SLC9A2: variants seen among roughly 807,000 people sequenced by gnomAD.
The protein encoded by SLC9A2 is sodium/hydrogen exchanger 2.
SLC9A2 carries 42 observed loss-of-function variants against 71.7 expected under a neutral mutation model. The ratio of observed to expected loss-of-function variants is 0.59; its 90% confidence interval spans 0.46 to 0.76. SLC9A2 has a LOEUF of 0.76. SLC9A2 is among the 30% of genes least tolerant of loss of function. The pLI, the probability that SLC9A2 is intolerant of heterozygous loss-of-function variation, is 0.00. For synonymous variants in SLC9A2, 396 were observed against 392.5 expected (o/e 1.01, Z -0.10); for missense variants, 829 against 1,017.4 (o/e 0.81, Z 2.52).
At chr2:102,673,728 T>C (rs1677297167) in intron 3 of SLC9A2, among the ~76,000 whole-genome samples, 1 of 152,138 alleles carries the variant, frequency 6.6e-6, no homozygotes, top group Admixed American at 6.6e-5. Flanking sequence ...TGGTAATGTG[T>C]AGGCCAAAAT....
intron 1 of SLC9A2, among the ~76,000 whole-genome samples, chr2:102,625,411 G>A (rs988346581): frequency 6.6e-6 from 1 of 151,948 alleles, no homozygotes; most frequent in Non-Finnish European, 1.5e-5. Context: ...ATGTTGGTGT[G>A]CTGCACCCAT....
intron 1 of SLC9A2, among the ~76,000 whole-genome samples, chr2:102,623,473 C>T (rs1676183854): frequency 6.6e-6 from 1 of 152,150 alleles, no homozygotes; most frequent in African/African-American, 2.4e-5. Context: ...CCTCCTCTTG[C>T]TCCCAGGGTT....
rs1287437677 is a variant in SLC9A2 at position 102,683,269 on chromosome 2, C to T, written c.1013C>T (p.Ala338Val). Residue 338 changes from alanine to valine, a missense_variant, in exon 4 of 12, where the codon GCT becomes GTT. This residue lies in a region of SLC9A2 where 500 missense variants were observed against 726.3 expected (regional missense o/e 0.69). Coordinates refer to ENST00000233969, the MANE Select transcript of SLC9A2 (RefSeq NM_003048.6). ...TGAATCTTCCCTTTCAGAATCACTG[C>T]TTGTGCAATGACTATGAATAAGTAC... ...FHLSGIMAIT[A>V]CAMTMNKYVE... The T allele has an allele frequency of 6.2e-7, 1 of 1,610,618 alleles. No individual in the cohort carries two copies. The highest frequency in any genetic ancestry group is 8.5e-7 in the Non-Finnish European group (1 of 1,176,806).
At position 102,708,468 on chromosome 2, in the gene SLC9A2, AT is replaced by A; in HGVS notation, c.2421del (p.Phe807LeufsTer27). ...ASEPGSRKARFGSEKP is the reference protein window; with the variant it reads ...ASEPGSRKARXGSEKP ...CGGAACCTGGAAGCCGGAAAGCCCG[AT>A]TTGGGAGTGAGAAGCCTTAAGAGAA... On this transcript the variant is annotated frameshift_variant, in exon 12 of 12. Transcript: ENST00000233969. LOFTEE classifies it high-confidence loss of function. The A allele has an allele frequency of 6.2e-7, 1 of 1,614,058 alleles. No homozygotes were observed. Among genetic ancestry groups the A allele is most frequent in the Non-Finnish European group, 8.5e-7 (1 of 1,179,980 alleles).
intron 3 of SLC9A2, among the ~76,000 whole-genome samples, chr2:102,676,065 G>A (rs1384255304): frequency 6.6e-6 from 1 of 152,044 alleles, no homozygotes; most frequent in Non-Finnish European, 1.5e-5. Context: ...GCTAGTAGCT[G>A]TAAGAACTTC....
intron 1 of SLC9A2, among the ~76,000 whole-genome samples, chr2:102,623,304 G>A (rs906036199): frequency 1.3e-5 from 2 of 152,172 alleles, no homozygotes; most frequent in Non-Finnish European, 2.9e-5. Flanking sequence ...CATGGGTAGA[G>A]TGAAGGGTAT....
At chr2:102,653,807 C>T (rs751893271) in intron 1 of SLC9A2, among the ~76,000 whole-genome samples, 5 of 152,200 alleles carry the variant, frequency 3.3e-5, no homozygotes, top group Non-Finnish European at 1.5e-5. Flanking sequence ...TCCATGGATC[C>T]TATGGCTTCT....
intron 1 of SLC9A2, among the ~76,000 whole-genome samples, chr2:102,633,659 C>T (rs556284014): frequency 6.6e-5 from 10 of 152,106 alleles, no homozygotes; most frequent in Admixed American, 4.6e-4. Context: ...GGTAAGGTAG[C>T]GGAACTCAGT....
chr2:102,687,765 T>C (rs1285725095), intron 5 of SLC9A2, among the ~76,000 whole-genome samples: 1 of 151,956 alleles, frequency 6.6e-6, no homozygotes, highest in Non-Finnish European at 1.5e-5. Context: ...GTTGTCAGAA[T>C]ATGGTGCTGT....
At chr2:102,647,398 T>C (rs1676748819) in intron 1 of SLC9A2, among the ~76,000 whole-genome samples, 2 of 152,014 alleles carry the variant, frequency 1.3e-5, no homozygotes, top group Non-Finnish European at 2.9e-5. Flanking sequence ...AAGTGAGAAA[T>C]ATTTAAAATT....
intron 3 of SLC9A2, among the ~76,000 whole-genome samples, chr2:102,668,232 A>G: frequency 6.6e-6 from 1 of 152,214 alleles, no homozygotes; most frequent in East Asian, 1.9e-4. Context: ...ATGCAGGTAC[A>G]CATTCACATT....
intron 1 of SLC9A2, among the ~76,000 whole-genome samples, chr2:102,632,145 TACATATATAC>T (rs199973533): frequency 0.025 from 1,220 of 48,408 alleles, 50 homozygotes; most frequent in African/African-American, 0.072. Flanking sequence ...TATGTATATA[TACATATATAC>T]ACATATATAC....
intron 1 of SLC9A2, among the ~76,000 whole-genome samples, chr2:102,633,267 G>C (rs1676408946): frequency 6.6e-6 from 1 of 152,116 alleles, no homozygotes. Context: ...CTTGTCCAAG[G>C]TGTCAGCTAT....
chr2:102,678,928 G>A (rs1677394424), intron 3 of SLC9A2, among the ~76,000 whole-genome samples: 1 of 152,162 alleles, frequency 6.6e-6, no homozygotes. Flanking sequence ...CTCATTTGTA[G>A]TGTGTTTACT....
chr2:102,648,433 C>A (rs1676769018), intron 1 of SLC9A2, among the ~76,000 whole-genome samples: 1 of 152,144 alleles, frequency 6.6e-6, no homozygotes, highest in South Asian at 2.1e-4. Context: ...AAAACCGGCA[C>A]AAGACAAGGA....
chr2:102,689,741 A>T (rs998870415), intron 5 of SLC9A2: 1 of 152,224 alleles, frequency 6.6e-6, no homozygotes, highest in African/African-American at 2.4e-5. Flanking sequence ...GAAGAAGAGC[A>T]GTATAAGACA....
intron 1 of SLC9A2, 139 bp from the exon 2 acceptor site, chr2:102,657,425 G>A (rs772785082): frequency 3.2e-6 from 2 of 616,574 alleles, no homozygotes; most frequent in Non-Finnish European, 5.7e-6. Context: ...CTGTAATCTG[G>A]GAAGCCATTG....
chr2:102,656,228 C>T (rs2104518820), intron 1 of SLC9A2, among the ~76,000 whole-genome samples: 1 of 151,800 alleles, frequency 6.6e-6, no homozygotes, highest in Admixed American at 6.6e-5. Context: ...GCCCAACCCA[C>T]ATCTCTCTCC....
At chr2:102,695,778 T>TCA (rs1340659725) in intron 7 of SLC9A2, among the ~76,000 whole-genome samples, 3 of 24,580 alleles carry the variant, frequency 1.2e-4, no homozygotes, top group Non-Finnish European at 2.6e-4. Context: ...ATAATATATA[T>TCA]TATATATATA....
Sources: gnomAD v4.1 joint callset for allele counts (sites outside exome capture counted in the v4.1 genomes callset) on GRCh38, gnomAD v4.1.1 for gene constraint, gnomAD v4.1.1 regional missense constraint, MANE v1.5 for transcripts, NCBI Gene and HGNC (gene_info 2026-07-23, HGNC 2026-07-21) for gene names.